The following SLC24A2 variants were observed in gnomAD, a reference collection of about 807,000 sequenced individuals.
The protein encoded by SLC24A2 is sodium/potassium/calcium exchanger 2.
In SLC24A2, 36 loss-of-function variants were observed where a neutral mutation model predicts 62.0. The observed-to-expected ratio is 0.58, with a 90% confidence interval of 0.44 to 0.77. The LOEUF (loss-of-function observed/expected upper bound fraction) is 0.77, where lower values mean the gene tolerates loss of function less well. SLC24A2 is among the 30% of genes least tolerant of loss of function. The pLI is 0.00. For synonymous variants in SLC24A2, 358 were observed against 294.0 expected (o/e 1.22, Z -2.23); for missense variants, 846 against 817.9 (o/e 1.03, Z -0.42).
Position 19,781,660 on chromosome 9 carries a change from C to T in SLC24A2, c.930+4277G>A, listed in dbSNP as rs140052996. 8.5e-5 allele frequency among the ~76,000 whole-genome samples: 13 copies of T among 152,274 alleles called. No individual in the cohort carries two copies. The East Asian group carries it at 2.5e-3, about 29-fold the overall frequency. ...TCCCTAGATAAACACACTACTTTCA[C>T]AGTCAGTTAAGAATTTTAATGCCTA... On this transcript the variant is annotated intron_variant, in intron 2 of 10. Coordinates refer to ENST00000341998, the MANE Select transcript of SLC24A2 (RefSeq NM_020344.4).
chr9:20,067,407 G>T, the SLC24A2 span, among the ~76,000 whole-genome samples: 1 of 152,114 alleles, frequency 6.6e-6, no homozygotes. Flanking sequence ...TTAATTCTAT[G>T]TCTGATTTTT....
At chr9:20,170,332 C>T in the SLC24A2 span, among the ~76,000 whole-genome samples, 1 of 151,978 alleles carries the variant, frequency 6.6e-6, no homozygotes, top group Non-Finnish European at 1.5e-5. Context: ...GCACTCCCAT[C>T]AACTAAGATT....
chr9:19,997,625 A>AGAATTTACT, the SLC24A2 span, among the ~76,000 whole-genome samples: 2 of 152,190 alleles, frequency 1.3e-5, no homozygotes. Context: ...GTAAACAGAG[A>AGAATTTACT]GAATTTACTG....
chr9:20,271,955 T>C, the SLC24A2 span, among the ~76,000 whole-genome samples: 3 of 148,208 alleles, frequency 2.0e-5, no homozygotes, highest in Admixed American at 2.0e-4. Flanking sequence ...CAGCCTGAGA[T>C]GCTGCCCATC....
At chr9:20,218,783 A>G in the SLC24A2 span, among the ~76,000 whole-genome samples, 1 of 152,082 alleles carries the variant, frequency 6.6e-6, no homozygotes, top group East Asian at 1.9e-4. Flanking sequence ...TCAATCACAC[A>G]TGTATTTCTT....
chr9:20,112,269 T>C, the SLC24A2 span, among the ~76,000 whole-genome samples: 55 of 152,298 alleles, frequency 3.6e-4, no homozygotes, highest in East Asian at 7.9e-3. Context: ...TCCTCGATAA[T>C]TTTCGACACT....
the SLC24A2 span, among the ~76,000 whole-genome samples, chr9:20,278,508 A>C: frequency 6.6e-6 from 1 of 152,194 alleles, no homozygotes; most frequent in African/African-American, 2.4e-5. Context: ...TCAATATGCC[A>C]CTAGTCTCTT....
At chr9:20,259,406 A>C in the SLC24A2 span, among the ~76,000 whole-genome samples, 4 of 152,198 alleles carry the variant, frequency 2.6e-5, no homozygotes, top group Non-Finnish European at 5.9e-5. Flanking sequence ...CTTTTTAATC[A>C]TACTGCTGTG....
intron 2 of SLC24A2, among the ~76,000 whole-genome samples, chr9:19,642,959 C>T (rs1278794018): frequency 9.0e-5 from 13 of 144,868 alleles, no homozygotes; most frequent in African/African-American, 2.1e-4. Flanking sequence ...GGATTACAGG[C>T]GTGAGCCACC....
chr9:20,155,131 A>G, the SLC24A2 span, among the ~76,000 whole-genome samples: 15 of 122,834 alleles, frequency 1.2e-4, no homozygotes, highest in African/African-American at 6.8e-4. Context: ...GCCCAACTGG[A>G]AAAAAAAAAA....
At chr9:19,648,112 G>T (rs756639948) in intron 2 of SLC24A2, among the ~76,000 whole-genome samples, 1 of 152,144 alleles carries the variant, frequency 6.6e-6, no homozygotes, top group Non-Finnish European at 1.5e-5. Flanking sequence ...ACTATAGTAG[G>T]CAGTGGGCAA....
At chr9:19,718,306 T>TTG (rs1820921275) in intron 2 of SLC24A2, among the ~76,000 whole-genome samples, 1 of 139,230 alleles carries the variant, frequency 7.2e-6, no homozygotes, top group African/African-American at 2.7e-5. Flanking sequence ...TTTTTTTTTT[T>TTG]TTTTTAGACA....
At chr9:19,752,639 A>C (rs1822020018) in intron 2 of SLC24A2, among the ~76,000 whole-genome samples, 1 of 152,110 alleles carries the variant, frequency 6.6e-6, no homozygotes, top group Non-Finnish European at 1.5e-5. Context: ...AACCTAACTC[A>C]TATGGTTGTG....
At chr9:19,919,708 A>G in the SLC24A2 span, among the ~76,000 whole-genome samples, 2 of 152,314 alleles carry the variant, frequency 1.3e-5, no homozygotes, top group African/African-American at 2.4e-5. Context: ...GAAACTTACA[A>G]TCATGGCAGA....
chr9:20,201,313 G>A, the SLC24A2 span, among the ~76,000 whole-genome samples: 6 of 152,284 alleles, frequency 3.9e-5, no homozygotes, highest in South Asian at 1.2e-3. Context: ...AGCTTGCCAG[G>A]GAGGTAAATA....
the SLC24A2 span, among the ~76,000 whole-genome samples, chr9:20,047,462 C>T: frequency 1.3e-3 from 191 of 151,188 alleles, 1 homozygote; most frequent in South Asian, 2.8e-3. Context: ...GTATCTTAGT[C>T]AGTTTGGGGT....
the SLC24A2 span, among the ~76,000 whole-genome samples, chr9:20,231,719 C>T: frequency 1.3e-5 from 2 of 152,078 alleles, no homozygotes; most frequent in Non-Finnish European, 1.5e-5. Flanking sequence ...AATTGAATAC[C>T]CTTTATTTCT....
chr9:20,210,737 C>T, the SLC24A2 span, among the ~76,000 whole-genome samples: 5 of 142,216 alleles, frequency 3.5e-5, no homozygotes, highest in African/African-American at 1.0e-4. Flanking sequence ...ATCTCCTGAC[C>T]TCATGATCCA....
the SLC24A2 span, among the ~76,000 whole-genome samples, chr9:19,904,448 T>G: frequency 6.6e-6 from 1 of 152,180 alleles, no homozygotes; most frequent in African/African-American, 2.4e-5. Flanking sequence ...GACATCTGAA[T>G]TTTTGAATTG....
Sources: gnomAD v4.1 joint callset for allele counts (sites outside exome capture counted in the v4.1 genomes callset) on GRCh38, gnomAD v4.1.1 for gene constraint, MANE v1.5 for transcripts, NCBI Gene and HGNC (gene_info 2026-07-23, HGNC 2026-07-21) for gene names.